Variants in AGPAT5 observed in about 807,000 individuals in gnomAD.
The protein encoded by AGPAT5 is 1-acylglycerol-3-phosphate O-acyltransferase 5, also known as 1-acyl-sn-glycerol-3-phosphate acyltransferase epsilon.
A neutral mutation model predicts 45.6 loss-of-function variants in AGPAT5; 46 were observed. That is an observed-to-expected ratio of 1.01 (90% CI 0.80 to 1.29). The LOEUF is 1.29. AGPAT5 is among the 50% of genes most tolerant of loss of function. AGPAT5 has a pLI of 0.00. For missense variants in AGPAT5, 673 were observed against 450.7 expected, an observed-to-expected ratio of 1.49 and a Z score of -4.47; for synonymous variants, 272 against 167.0, an observed-to-expected ratio of 1.63 and a Z score of -4.85.
intron 6 of AGPAT5, 117 bp from the exon 7 acceptor site, chr8:6,754,934 G>A: frequency 3.8e-6 from 3 of 794,032 alleles, no homozygotes; most frequent in African/African-American, 1.8e-5. Context: ...TAAGGAATCT[G>A]TACTTTTTCT....
intron 4 of AGPAT5, among the ~76,000 whole-genome samples, chr8:6,736,580 T>C (rs1254795994): frequency 6.6e-6 from 1 of 152,266 alleles, no homozygotes; most frequent in Non-Finnish European, 1.5e-5. Flanking sequence ...CTTCCTTTGC[T>C]GCTGGCTGTG....
At chr8:6,711,664 C>G (rs533461889) in intron 1 of AGPAT5, among the ~76,000 whole-genome samples, 7 of 152,310 alleles carry the variant, frequency 4.6e-5, no homozygotes, top group South Asian at 2.1e-4. Context: ...CTTAAGTTCT[C>G]GTGATTCTGG....
At chr8:6,738,861 A>G (rs1801144540) in intron 4 of AGPAT5, among the ~76,000 whole-genome samples, 1 of 151,516 alleles carries the variant, frequency 6.6e-6, no homozygotes. Context: ...CATAATTTCC[A>G]CTTTTTGTAT....
intron 6 of AGPAT5, among the ~76,000 whole-genome samples, chr8:6,754,318 A>G (rs976825539): frequency 6.6e-6 from 1 of 152,196 alleles, no homozygotes; most frequent in Non-Finnish European, 1.5e-5. Flanking sequence ...GCTCATGGCT[A>G]TTCCACAGTA....
At chr8:6,724,800 C>T (rs1800628360) in intron 1 of AGPAT5, 70 bp from the exon 2 acceptor site, 1 of 467,166 alleles carries the variant, frequency 2.1e-6, no homozygotes, top group African/African-American at 2.0e-5. Context: ...AGTTTCTTCA[C>T]ATTGTCTTCC....
At chr8:6,739,923 C>G (rs1204243854) in intron 4 of AGPAT5, among the ~76,000 whole-genome samples, 1 of 152,064 alleles carries the variant, frequency 6.6e-6, no homozygotes, top group East Asian at 1.9e-4. Flanking sequence ...TTTCCTTCAT[C>G]ACACCTTGTT....
In AGPAT5 at chr8:6,757,976, TTTTATA is replaced by T. The variant is rs1801901619; in HGVS notation, c.*592_*597del. 1 of 152,260 alleles carries T rather than the reference TTTTATA, an allele frequency of 6.6e-6. No individual in the cohort carries two copies. Among genetic ancestry groups the T allele is most frequent in the Non-Finnish European group, 1.5e-5 (1 of 68,048 alleles). The allele number at this position is 152,260 out of a possible 1,614,324, so 9.4% of individuals were successfully genotyped here. A position where few individuals can be genotyped will look rare whatever the true frequency, so the allele number is the denominator to read the frequency against. ...TTGCGTTATTAGCTGATTTTACTCA[TTTTATA>T]TTTGCAAAATAAATTTCTAATATTT... On this transcript the variant is annotated 3_prime_UTR_variant, in exon 8 of 8. Coordinates refer to ENST00000285518, the MANE Select transcript of AGPAT5 (RefSeq NM_018361.5).
In AGPAT5 at chr8:6,708,735, G is replaced by A. The variant is rs780744848; in HGVS notation, c.67G>A (p.Gly23Ser). Residue 23 changes from glycine (G) to serine (S), a missense_variant, in exon 1 of 8, where the codon GGC becomes AGC. Coordinates refer to ENST00000285518, the MANE Select transcript of AGPAT5 (RefSeq NM_018361.5). ...CCTGCTGCCCAGCGTCGTGCTCCTG[G>A]GCACGGCGCCCACCTACGTGTTGGC... ...RYLLPSVVLL[G>S]TAPTYVLAWG... The A allele has an allele frequency of 1.9e-6, 3 of 1,607,512 alleles. No homozygotes were observed. The South Asian group carries it at 3.3e-5, about 18-fold the overall frequency.
chr8:6,724,057 T>C lies in AGPAT5; in HGVS notation c.220-813T>C, dbSNP rs1246955291. Among the ~76,000 whole-genome samples the C allele has an allele frequency of 2.6e-5, 4 of 152,220 alleles. No homozygotes were observed. The East Asian group carries it at 7.7e-4, about 29-fold the overall frequency. On this transcript the variant is annotated intron_variant, in intron 1 of 7. Coordinates refer to ENST00000285518, the MANE Select transcript of AGPAT5 (RefSeq NM_018361.5). Reference sequence around the variant, plus strand: ...TATACTCCCAGTTTCTTGAAAAATTTATTCTAAAATATGTAAGACACACAA... The same window carrying C: ...TATACTCCCAGTTTCTTGAAAAATTCATTCTAAAATATGTAAGACACACAA...
intron 5 of AGPAT5, among the ~76,000 whole-genome samples, chr8:6,747,034 A>C (rs1017556756): frequency 6.6e-6 from 1 of 152,238 alleles, no homozygotes; most frequent in Admixed American, 6.5e-5. Flanking sequence ...GTTCATACAA[A>C]AGCTTGTTCA....
At chr8:6,733,965 C>G (rs1488077993) in intron 4 of AGPAT5, among the ~76,000 whole-genome samples, 1 of 152,160 alleles carries the variant, frequency 6.6e-6, no homozygotes, top group Non-Finnish European at 1.5e-5. Flanking sequence ...AAAATCAGCT[C>G]TTTACACTTG....
At chr8:6,735,684 GTGT>G (rs59903897) in intron 4 of AGPAT5, among the ~76,000 whole-genome samples, 107,731 of 151,230 alleles carry the variant, frequency 0.71, 39,014 homozygotes, top group African/African-American at 0.83. Context: ...CAGCTTGTCA[GTGT>G]TGTTGTTGTT....
chr8:6,738,193 C>A (rs1422611081), intron 4 of AGPAT5, among the ~76,000 whole-genome samples: 1 of 151,080 alleles, frequency 6.6e-6, no homozygotes, highest in Admixed American at 6.6e-5. Context: ...ACATACCTTC[C>A]TCACTAAGCC....
chr8:6,748,260 T>A (rs2116947783), intron 6 of AGPAT5, among the ~76,000 whole-genome samples: 1 of 152,352 alleles, frequency 6.6e-6, no homozygotes, highest in East Asian at 1.9e-4. Flanking sequence ...GTGACCTTTT[T>A]TTTTCCCCAA....
chr8:6,722,745 A>G, intron 1 of AGPAT5, among the ~76,000 whole-genome samples: 1 of 152,250 alleles, frequency 6.6e-6, no homozygotes, highest in African/African-American at 2.4e-5. Flanking sequence ...CGAAAGCAGA[A>G]TAACTAGTTT....
chr8:6,720,755 T>C (rs1800471643), intron 1 of AGPAT5, among the ~76,000 whole-genome samples: 1 of 152,186 alleles, frequency 6.6e-6, no homozygotes, highest in African/African-American at 2.4e-5. Context: ...GTTTTTCATA[T>C]GCAAAATAAG....
At chr8:6,740,601 C>G (rs966477396) in intron 4 of AGPAT5, among the ~76,000 whole-genome samples, 1 of 151,460 alleles carries the variant, frequency 6.6e-6, no homozygotes, top group African/African-American at 2.4e-5. Context: ...TATGAATGAA[C>G]AAAAAGCTTG....
At chr8:6,715,939 G>T (rs755754106) in intron 1 of AGPAT5, among the ~76,000 whole-genome samples, 5 of 152,096 alleles carry the variant, frequency 3.3e-5, no homozygotes, top group African/African-American at 1.2e-4. Flanking sequence ...TTGAAGCATG[G>T]CATTCAAGGT....
intron 1 of AGPAT5, among the ~76,000 whole-genome samples, chr8:6,716,494 G>C (rs1158943193): frequency 6.6e-6 from 1 of 151,988 alleles, no homozygotes; most frequent in Non-Finnish European, 1.5e-5. Context: ...ATGGGAGGTA[G>C]AGGCTCCAGC....
Sources: allele counts gnomAD v4.1 joint callset (sites outside exome capture counted in the v4.1 genomes callset), GRCh38; gene constraint gnomAD v4.1.1; transcripts MANE v1.5; gene names NCBI Gene and HGNC (gene_info 2026-07-23, HGNC 2026-07-21).